Variants in MGAT4C observed in about 807,000 individuals in gnomAD.
The protein encoded by MGAT4C is MGAT4 family member C, also known as alpha-1,3-mannosyl-glycoprotein 4-beta-N-acetylglucosaminyltransferase C.
A neutral mutation model predicts 40.1 loss-of-function variants in MGAT4C; 19 were observed. The observed-to-expected ratio is 0.47, with a 90% CI of 0.33 to 0.70. The LOEUF is 0.70. Among genes scored for constraint, MGAT4C ranks in the 30% least tolerant of loss-of-function variants. MGAT4C has a pLI of 0.02. For missense variants in MGAT4C, 491 were observed against 563.2 expected (o/e 0.87, Z 1.30); for synonymous variants, 181 against 187.1 (o/e 0.97, Z 0.27).
At chr12:86,140,678 A>C (rs2135737625) in intron 1 of MGAT4C, among the ~76,000 whole-genome samples, 1 of 152,240 alleles carries the variant, frequency 6.6e-6, no homozygotes, top group Non-Finnish European at 1.5e-5. Context: ...ATAAAATAAT[A>C]TGTGCCCCCT....
chr12:86,640,116 A>T (rs1045941346), intron 2 of MGAT4C, among the ~76,000 whole-genome samples: 6 of 151,748 alleles, frequency 4.0e-5, no homozygotes, highest in African/African-American at 1.4e-4. Flanking sequence ...CATAAACCTC[A>T]CATTGCACCC....
At chr12:86,361,705 C>T (rs1401129189) in intron 3 of MGAT4C, among the ~76,000 whole-genome samples, 1 of 152,196 alleles carries the variant, frequency 6.6e-6, no homozygotes, top group Non-Finnish European at 1.5e-5. Flanking sequence ...CAAAAGAAGA[C>T]ATTTATGCAG....
At chr12:86,403,501 C>G (rs1172324476) in intron 3 of MGAT4C, among the ~76,000 whole-genome samples, 1 of 152,174 alleles carries the variant, frequency 6.6e-6, no homozygotes, top group Non-Finnish European at 1.5e-5. Flanking sequence ...AGACATAATT[C>G]CATATGACAG....
intron 2 of MGAT4C, among the ~76,000 whole-genome samples, chr12:86,606,171 A>AT (rs1962037868): frequency 6.6e-6 from 1 of 152,024 alleles, no homozygotes; most frequent in African/African-American, 2.4e-5. Context: ...CACCTGGTCT[A>AT]TTTTTTGACG....
At chr12:86,668,169 T>C (rs1424506849) in intron 2 of MGAT4C, among the ~76,000 whole-genome samples, 1 of 152,208 alleles carries the variant, frequency 6.6e-6, no homozygotes, top group Non-Finnish European at 1.5e-5. Flanking sequence ...TATTAGGGGC[T>C]TTTAACATGC....
chr12:86,154,690 A>G (rs556052523), intron 1 of MGAT4C, among the ~76,000 whole-genome samples: 8 of 152,346 alleles, frequency 5.3e-5, no homozygotes, highest in Non-Finnish European at 1.0e-4. Flanking sequence ...ATCAAAAAAA[A>G]GATAAATAAG....
At chr12:86,138,725 T>C (rs1445591361) in intron 1 of MGAT4C, among the ~76,000 whole-genome samples, 1 of 150,584 alleles carries the variant, frequency 6.6e-6, no homozygotes, top group African/African-American at 2.4e-5. Context: ...ATACAAATCA[T>C]CTCTATATTA....
chr12:86,296,367 G>A (rs1246839545), intron 4 of MGAT4C, among the ~76,000 whole-genome samples: 3 of 152,254 alleles, frequency 2.0e-5, no homozygotes, highest in African/African-American at 7.2e-5. Context: ...CAGGGCTGCA[G>A]GTGGAGCTGC....
chr12:86,837,679 T>C (rs1953064640), intron 1 of MGAT4C, among the ~76,000 whole-genome samples: 1 of 152,120 alleles, frequency 6.6e-6, no homozygotes, highest in South Asian at 2.1e-4. Flanking sequence ...ATTGAGCCTA[T>C]TCACACAATA....
chr12:86,146,159 C>G (rs1161266729), intron 1 of MGAT4C, among the ~76,000 whole-genome samples: 2 of 152,014 alleles, frequency 1.3e-5, no homozygotes, highest in Admixed American at 6.6e-5. Context: ...TTCTATGATC[C>G]GAAGACCTGA....
chr12:86,650,624 G>GA (rs1237815070), intron 2 of MGAT4C, among the ~76,000 whole-genome samples: 13 of 151,846 alleles, frequency 8.6e-5, no homozygotes, highest in African/African-American at 2.9e-4. Flanking sequence ...TCTAGAAGTT[G>GA]AAAATAGATG....
At chr12:86,181,078 G>T (rs11103881) in intron 1 of MGAT4C, among the ~76,000 whole-genome samples, 16,674 of 152,126 alleles carry the variant, frequency 0.11, 1,245 homozygotes, top group East Asian at 0.32. Flanking sequence ...CTATTCTCAT[G>T]ACAGTAAATA....
intron 2 of MGAT4C, among the ~76,000 whole-genome samples, chr12:86,484,582 C>T (rs1226530269): frequency 6.6e-6 from 1 of 152,190 alleles, no homozygotes; most frequent in African/African-American, 2.4e-5. Flanking sequence ...GATCCCAATC[C>T]CTCAGGGCTG....
chr12:86,451,257 T>G (rs1450539061), intron 2 of MGAT4C, among the ~76,000 whole-genome samples: 1 of 152,060 alleles, frequency 6.6e-6, no homozygotes, highest in African/African-American at 2.4e-5. Flanking sequence ...CACTCCTGCT[T>G]TTGCCATGTA....
At chr12:86,469,610 T>G (rs1565782729) in intron 2 of MGAT4C, among the ~76,000 whole-genome samples, 1 of 152,098 alleles carries the variant, frequency 6.6e-6, no homozygotes. Context: ...CCAAAGTAAT[T>G]GCGGTTTTTT....
At chr12:86,821,840 T>C (rs113128245) in intron 1 of MGAT4C, among the ~76,000 whole-genome samples, 2,008 of 151,068 alleles carry the variant, frequency 0.013, 34 homozygotes, top group African/African-American at 0.045. Context: ...TTTTTTGGTT[T>C]GGAGATAATA....
intron 2 of MGAT4C, among the ~76,000 whole-genome samples, chr12:86,588,906 A>T (rs370386982): frequency 8.6e-5 from 13 of 151,868 alleles, no homozygotes; most frequent in African/African-American, 2.2e-4. Flanking sequence ...CAAAGCAGTG[A>T]GTAGAGGGAA....
At chr12:86,533,614 CTA>C (rs1197278697) in intron 2 of MGAT4C, among the ~76,000 whole-genome samples, 2 of 151,400 alleles carry the variant, frequency 1.3e-5, no homozygotes, top group Non-Finnish European at 2.9e-5. Flanking sequence ...TTTATACACA[CTA>C]TGTACTATAT....
chr12:86,182,452 C>T (rs988412110), intron 1 of MGAT4C, among the ~76,000 whole-genome samples: 6 of 152,126 alleles, frequency 3.9e-5, no homozygotes, highest in Admixed American at 3.3e-4. Context: ...TTCCCTGAAG[C>T]TTGTTCACAT....
Sources: allele counts gnomAD v4.1 joint callset (sites outside exome capture counted in the v4.1 genomes callset), GRCh38; gene constraint gnomAD v4.1.1; transcripts MANE v1.5; gene names NCBI Gene and HGNC (gene_info 2026-07-23, HGNC 2026-07-21).